The following IL1RAPL2 variants were observed in gnomAD, a reference collection of about 807,000 sequenced individuals.
The protein encoded by IL1RAPL2 is interleukin 1 receptor accessory protein like 2.
A neutral mutation model predicts 44.1 loss-of-function variants in IL1RAPL2; 3 were observed. The ratio of observed to expected loss-of-function variants is 0.07; its 90% confidence interval spans 0.03 to 0.18. The LOEUF is 0.18. IL1RAPL2 is among the 10% of genes least tolerant of loss of function. The pLI, the probability that IL1RAPL2 is intolerant of heterozygous loss-of-function variation, is 1.00. For missense variants in IL1RAPL2, 391 were observed against 496.4 expected (o/e 0.79, Z 2.02); for synonymous variants, 181 against 178.8 (o/e 1.01, Z -0.10).
At chrX:104,584,914 A>G (rs1193146921) in intron 1 of IL1RAPL2, among the ~76,000 whole-genome samples, 1 of 109,672 alleles carries the variant, frequency 9.1e-6, no homozygotes, top group Non-Finnish European at 1.9e-5. Context: ...GGAAAAAATC[A>G]TGGGAGCTAT....
intron 6 of IL1RAPL2, among the ~76,000 whole-genome samples, chrX:105,600,589 A>G (rs1011316659): frequency 9.2e-6 from 1 of 108,865 alleles, no homozygotes; most frequent in African/African-American, 3.3e-5. Flanking sequence ...ATAAATTTAT[A>G]AAAACACCAA....
In IL1RAPL2 at chrX:105,703,343, C is replaced by T. The variant is rs188541340; in HGVS notation, c.773-14024C>T. Among the ~76,000 whole-genome samples the T allele has an allele frequency of 4.3e-3, 482 of 110,993 alleles. 3 individuals carry two copies. Among genetic ancestry groups the T allele is most frequent in the African/African-American group, 0.015 (453 of 30,569 alleles). On this transcript the variant is annotated intron_variant, in intron 6 of 10. Transcript: ENST00000372582. ...ATTTAAATTGGTAGATTATGGGGAC[C>T]TTTTCATATTTTGAAGCAAAGTTGT...
chrX:105,098,293 T>A (rs768916615), intron 2 of IL1RAPL2, among the ~76,000 whole-genome samples: 2 of 111,783 alleles, frequency 1.8e-5, no homozygotes, highest in East Asian at 5.7e-4. Flanking sequence ...TCTACTTTTC[T>A]TCATCAGTCT....
intron 2 of IL1RAPL2, among the ~76,000 whole-genome samples, chrX:105,180,598 A>G (rs183485772): frequency 1.1e-4 from 12 of 111,964 alleles, no homozygotes; most frequent in Non-Finnish European, 2.1e-4. Context: ...TGAGACAATC[A>G]TATGGCTTTT....
At chrX:105,718,646 A>G (rs996436180) in intron 7 of IL1RAPL2, among the ~76,000 whole-genome samples, 2 of 111,770 alleles carry the variant, frequency 1.8e-5, no homozygotes, top group African/African-American at 6.5e-5. Flanking sequence ...TAGGCTGAGC[A>G]CAGTTATTCA....
intron 5 of IL1RAPL2, among the ~76,000 whole-genome samples, chrX:105,483,663 A>G (rs764976532): frequency 8.1e-5 from 9 of 111,457 alleles, no homozygotes; most frequent in Non-Finnish European, 1.3e-4. Flanking sequence ...TATAGCTCAA[A>G]TGCTACATTC....
chrX:105,585,244 A>AT (rs765150118), intron 6 of IL1RAPL2, among the ~76,000 whole-genome samples: 28 of 109,000 alleles, frequency 2.6e-4, no homozygotes, highest in African/African-American at 8.0e-4. Flanking sequence ...GGTTATGCTC[A>AT]TTTTTTTTAC....
At chrX:105,129,571 G>A (rs1197907613) in intron 2 of IL1RAPL2, among the ~76,000 whole-genome samples, 1 of 110,698 alleles carries the variant, frequency 9.0e-6, no homozygotes, top group Admixed American at 9.7e-5. Context: ...AGACTGCAGG[G>A]GTTTTTAGAT....
chrX:105,220,422 C>T (rs1556180233), intron 3 of IL1RAPL2: 2 of 1,144,564 alleles, frequency 1.7e-6, no homozygotes, highest in South Asian at 4.2e-5. Flanking sequence ...TTAACGGTTT[C>T]ACTAGCCCTG....
intron 7 of IL1RAPL2, among the ~76,000 whole-genome samples, chrX:105,721,411 C>T (rs951068075): frequency 1.1e-5 from 1 of 92,433 alleles, no homozygotes; most frequent in Admixed American, 1.0e-4. Flanking sequence ...AGTGAAACTC[C>T]ATCTCAAAAA....
At chrX:105,263,011 G>A (rs992336552) in intron 4 of IL1RAPL2, among the ~76,000 whole-genome samples, 3 of 109,792 alleles carry the variant, frequency 2.7e-5, no homozygotes, top group Non-Finnish European at 3.8e-5. Flanking sequence ...TCAGCCTCCC[G>A]AGTAGCTGGG....
intron 5 of IL1RAPL2, among the ~76,000 whole-genome samples, chrX:105,409,294 A>G (rs1025341417): frequency 8.1e-5 from 9 of 110,845 alleles, no homozygotes; most frequent in African/African-American, 2.7e-4. Flanking sequence ...AAAATTCAGG[A>G]TAAATTACCA....
At chrX:104,843,746 A>G (rs767533021) in intron 2 of IL1RAPL2, among the ~76,000 whole-genome samples, 1 of 109,065 alleles carries the variant, frequency 9.2e-6, no homozygotes, top group African/African-American at 3.3e-5. Context: ...AGTCCCATTG[A>G]GATGAACTGG....
At chrX:104,998,723 C>T (rs1343168516) in intron 2 of IL1RAPL2, among the ~76,000 whole-genome samples, 2 of 111,156 alleles carry the variant, frequency 1.8e-5, no homozygotes, top group Non-Finnish European at 3.8e-5. Context: ...GCTATGATTG[C>T]ACCACTGCAC....
chrX:104,591,169 C>G (rs746478214), intron 1 of IL1RAPL2, among the ~76,000 whole-genome samples: 7 of 111,432 alleles, frequency 6.3e-5, no homozygotes, highest in Admixed American at 1.9e-4. Flanking sequence ...GTTGAGAGAG[C>G]CTGGTTGATC....
chrX:104,879,511 A>G (rs1923005903), intron 2 of IL1RAPL2, among the ~76,000 whole-genome samples: 1 of 111,519 alleles, frequency 9.0e-6, no homozygotes, highest in Non-Finnish European at 1.9e-5. Flanking sequence ...GACACACAAC[A>G]GTTTCATTTT....
chrX:105,114,956 C>A (rs190549195), intron 2 of IL1RAPL2, among the ~76,000 whole-genome samples: 1 of 111,884 alleles, frequency 8.9e-6, no homozygotes, highest in African/African-American at 3.2e-5. Flanking sequence ...TAGTACCTGG[C>A]ACATGATAGA....
intron 5 of IL1RAPL2, among the ~76,000 whole-genome samples, chrX:105,402,835 C>G (rs1294029361): frequency 5.4e-5 from 6 of 111,761 alleles, no homozygotes; most frequent in African/African-American, 9.8e-5. Context: ...CAAATATATC[C>G]CAATAGCTCT....
At chrX:105,496,995 G>A (rs948716954) in intron 6 of IL1RAPL2, among the ~76,000 whole-genome samples, 1 of 111,413 alleles carries the variant, frequency 9.0e-6, no homozygotes, top group Non-Finnish European at 1.9e-5. Flanking sequence ...GGTTCTCAAT[G>A]TTGATTCCTG....
Sources: gnomAD v4.1 joint callset for allele counts (sites outside exome capture counted in the v4.1 genomes callset) on GRCh38, gnomAD v4.1.1 for gene constraint, MANE v1.5 for transcripts, NCBI Gene and HGNC (gene_info 2026-07-23, HGNC 2026-07-21) for gene names.